ZNF462: variants seen among roughly 807,000 people sequenced by gnomAD.
The protein encoded by ZNF462 is zinc finger PBX1-interacting protein.
ZNF462 carries 10 observed loss-of-function variants against 201.9 expected under a neutral mutation model. The observed-to-expected ratio is 0.05, with a 90% confidence interval of 0.03 to 0.08. ZNF462 has a LOEUF of 0.08. Ranked by LOEUF, ZNF462 falls within the 10% of genes least tolerant of loss-of-function variation. The pLI is 1.00. For missense variants in ZNF462, 2,523 were observed against 3,168.3 expected (o/e 0.80, Z 4.89); for synonymous variants, 1,227 against 1,193.3 (o/e 1.03, Z -0.58).
intron 1 of ZNF462, among the ~76,000 whole-genome samples, chr9:106,884,888 A>G (rs775197784): frequency 6.6e-6 from 1 of 152,206 alleles, no homozygotes; most frequent in Non-Finnish European, 1.5e-5. Flanking sequence ...AACGTTGGCT[A>G]GAGGATCAAC....
At chr9:106,891,743 G>A (rs1213720869) in intron 1 of ZNF462, among the ~76,000 whole-genome samples, 1 of 152,162 alleles carries the variant, frequency 6.6e-6, no homozygotes, top group Non-Finnish European at 1.5e-5. Flanking sequence ...TTTATCTGAA[G>A]TAGCTTAGAG....
intron 10 of ZNF462, among the ~76,000 whole-genome samples, chr9:107,002,840 T>C (rs994430353): frequency 1.3e-5 from 2 of 152,216 alleles, no homozygotes; most frequent in Non-Finnish European, 2.9e-5. Flanking sequence ...GATGGGATCG[T>C]GGCAAAGAAG....
In ZNF462 at chr9:106,970,705, G is replaced by A. The variant is rs574552147; in HGVS notation, c.6428-1300G>A. Among the ~76,000 whole-genome samples the A allele has an allele frequency of 2.1e-4, 32 of 152,258 alleles. No individual in the cohort carries two copies. Among genetic ancestry groups the A allele is most frequent in the African/African-American group, 7.7e-4 (32 of 41,530 alleles). On this transcript the variant is annotated intron_variant, in intron 7 of 12. Coordinates refer to ENST00000277225, the MANE Select transcript of ZNF462 (RefSeq NM_021224.6). This position sits in a 1 kb window ranked among gnomAD's most constrained non-coding sequence, Gnocchi z 4.2. ...TTTGTGTCATTCATAGGCAGCTGTA[G>A]GTTATATAGGACAATGTTTTTGAAT...
intron 1 of ZNF462, among the ~76,000 whole-genome samples, chr9:106,906,171 G>C (rs888751603): frequency 2.6e-5 from 4 of 152,170 alleles, no homozygotes; most frequent in Non-Finnish European, 5.9e-5. Context: ...CTTCTCCAGT[G>C]GGGGGTGTGT....
upstream of ZNF462, chr9:106,863,068 GGAGA>G: frequency 2.5e-6 from 1 of 393,544 alleles, no homozygotes; most frequent in Non-Finnish European, 4.5e-6. Context: ...AGAGAGAAGA[GGAGA>G]GAGAGGGGAG....
intron 9 of ZNF462, among the ~76,000 whole-genome samples, chr9:106,976,807 A>G (rs1271733848): frequency 6.6e-6 from 1 of 152,200 alleles, no homozygotes; most frequent in Non-Finnish European, 1.5e-5. Flanking sequence ...ACAAAATCCT[A>G]TGTGGTGGAT....
rs1413303835 is a variant in ZNF462, at chr9:106,972,364, G to C, written c.6695+92G>C. ...CTTCCCTTACACTTTCCTACTTGGA[G>C]CTTATGGGAGGCCCTGCCCATGTGA... On this transcript the variant is annotated intron_variant, in intron 8 of 12. Coordinates refer to ENST00000277225, the MANE Select transcript of ZNF462 (RefSeq NM_021224.6). The surrounding 1 kb of genome is among the most constrained non-coding windows in gnomAD (Gnocchi z 4.8). The C allele has an allele frequency of 2.0e-6, 3 of 1,511,912 alleles. No individual in the cohort carries two copies. The highest frequency in any genetic ancestry group is 2.7e-6 in the Non-Finnish European group (3 of 1,126,562). 93.7% of individuals were successfully genotyped at this position (1,511,912 alleles called of 1,614,324 possible).
At chr9:106,884,736 G>T (rs1401204708) in intron 1 of ZNF462, among the ~76,000 whole-genome samples, 1 of 152,066 alleles carries the variant, frequency 6.6e-6, no homozygotes, top group Non-Finnish European at 1.5e-5. Flanking sequence ...TTTTTTGTTT[G>T]TTTGTTTGTT....
At position 106,890,627 on chromosome 9, in the gene ZNF462, A is replaced by C. The variant is rs79690270; in HGVS notation, c.-31+27272A>C. Among the ~76,000 whole-genome samples, 108 of 152,300 alleles carry C rather than the reference A, an allele frequency of 7.1e-4. 1 individual carries two copies. The highest frequency in any genetic ancestry group is 2.5e-3 in the African/African-American group (105 of 41,576). On this transcript the variant is annotated intron_variant, in intron 1 of 12. Transcript: ENST00000277225. This position sits in a 1 kb window ranked among gnomAD's most constrained non-coding sequence, Gnocchi z 4.2. ...TTAGGCTTACCTTCGTAATATGGGT[A>C]AATGTCTCAGGTTAGCCAAATGTAC...
At chr9:106,898,393 G>A (rs1828903291) in intron 1 of ZNF462, among the ~76,000 whole-genome samples, 1 of 152,122 alleles carries the variant, frequency 6.6e-6, no homozygotes, top group Admixed American at 6.5e-5. Context: ...TACTCAATTG[G>A]GTATGATTTT....
At position 106,974,124 on chromosome 9, in the gene ZNF462, A is replaced by C. The variant is rs751458314; in HGVS notation, c.6696-13A>C. 1 of 1,613,864 alleles carries C rather than the reference A, an allele frequency of 6.2e-7. No individual in the cohort carries two copies. The highest frequency in any genetic ancestry group is 1.1e-5 in the South Asian group (1 of 91,062). On this transcript the variant is annotated splice_polypyrimidine_tract_variant and intron_variant, in intron 8 of 12. Transcript: ENST00000277225. This position sits in a 1 kb window ranked among gnomAD's most constrained non-coding sequence, Gnocchi z 4.0. ...GTTACACGCATCACCTCTCCTCCCA[A>C]ACTCTCTCCTAGATCTGCTTTTACT...
chr9:106,964,027 G>C (rs553974430), intron 7 of ZNF462, among the ~76,000 whole-genome samples: 1 of 151,992 alleles, frequency 6.6e-6, no homozygotes, highest in East Asian at 1.9e-4. Flanking sequence ...GTGTGTGTGT[G>C]TGTGTGTGTG....
intron 1 of ZNF462, among the ~76,000 whole-genome samples, chr9:106,863,858 G>C (rs896363506): frequency 1.3e-5 from 2 of 151,960 alleles, no homozygotes; most frequent in Admixed American, 1.3e-4. Context: ...CCTGAGCCGA[G>C]AGCCAGAGGG....
In ZNF462 at chr9:106,993,244, A is replaced by G. The variant is rs556469178; in HGVS notation, c.7056+8835A>G. 1.3e-5 allele frequency among the ~76,000 whole-genome samples: 2 copies of G among 152,158 alleles called. No homozygotes were observed. Among genetic ancestry groups the G allele is most frequent in the Admixed American group, 6.5e-5 (1 of 15,272 alleles). ...GGAACATCTGTAAAGATGTCAGACT[A>G]TATCATCCACGGACTGGACAGAATC... On this transcript the variant is annotated intron_variant, in intron 10 of 12. Coordinates refer to ENST00000277225, the MANE Select transcript of ZNF462 (RefSeq NM_021224.6). This position sits in a 1 kb window ranked among gnomAD's most constrained non-coding sequence, Gnocchi z 4.0.
At chr9:106,948,888 G>A (rs1302829905) in intron 7 of ZNF462, among the ~76,000 whole-genome samples, 1 of 151,766 alleles carries the variant, frequency 6.6e-6, no homozygotes, top group Non-Finnish European at 1.5e-5. Flanking sequence ...TATTTAAGGT[G>A]GGATTCTCAG....
chr9:106,887,382 T>TA (rs1342267608), intron 1 of ZNF462, among the ~76,000 whole-genome samples: 1 of 152,118 alleles, frequency 6.6e-6, no homozygotes, highest in African/African-American at 2.4e-5. Context: ...TAAATGGAAG[T>TA]ATAAAAACAG....
At chr9:106,953,467 G>A (rs1458735023) in intron 7 of ZNF462, among the ~76,000 whole-genome samples, 1 of 152,044 alleles carries the variant, frequency 6.6e-6, no homozygotes, top group East Asian at 1.9e-4. Flanking sequence ...TTTGTCTGTG[G>A]CATTTAAAAC....
At position 106,930,040 on chromosome 9, in the gene ZNF462, T is replaced by C. The variant is rs975516801; in HGVS notation, c.5847+281T>C. Reference sequence around the variant, plus strand: ...TGTATGTCTTTCTGCCAAGTAGCTTTATCTGAAGCCTAGTTTTACAACAAC... The same window carrying C: ...TGTATGTCTTTCTGCCAAGTAGCTTCATCTGAAGCCTAGTTTTACAACAAC... On this transcript the variant is annotated intron_variant, in intron 3 of 12. Coordinates refer to ENST00000277225, the MANE Select transcript of ZNF462 (RefSeq NM_021224.6). This position sits in a 1 kb window ranked among gnomAD's most constrained non-coding sequence, Gnocchi z 5.8. Among the ~76,000 whole-genome samples the C allele has an allele frequency of 2.6e-5, 4 of 152,144 alleles. No homozygotes were observed. Among genetic ancestry groups the C allele is most frequent in the Non-Finnish European group, 5.9e-5 (4 of 68,020 alleles).
chr9:107,009,722 A>C lies in ZNF462; in HGVS notation c.7313+54A>C. ...TGTCCAAAGCAAGAGGTAGGGAGGG[A>C]GGGAGGGGCTCTTGTTTTGGTTCCC... On this transcript the variant is annotated intron_variant, in intron 12 of 12. Transcript: ENST00000277225. The surrounding 1 kb of genome is among the most constrained non-coding windows in gnomAD (Gnocchi z 6.1). 1.8e-6 allele frequency: 1 copy of C among 555,312 alleles called. No individual in the cohort carries two copies. Among genetic ancestry groups the C allele is most frequent in the Non-Finnish European group, 3.5e-6 (1 of 288,794 alleles). The allele number at this position is 555,312 out of a possible 1,614,324, so 34.4% of individuals were successfully genotyped here. A position where few individuals can be genotyped will look rare whatever the true frequency, so the allele number is the denominator to read the frequency against.
Sources: allele counts gnomAD v4.1 joint callset (sites outside exome capture counted in the v4.1 genomes callset), GRCh38; gene constraint gnomAD v4.1.1; non-coding constraint Gnocchi (gnomAD v3.1); transcripts MANE v1.5; gene names NCBI Gene and HGNC (gene_info 2026-07-23, HGNC 2026-07-21).